MYO1F: variants seen among roughly 807,000 people sequenced by gnomAD.
MYO1F encodes myosin IF, also known as unconventional myosin-If.
Under a neutral mutation model 146.6 loss-of-function variants are expected in MYO1F, and 60 were observed. The observed-to-expected ratio is 0.41, with a 90% confidence interval of 0.33 to 0.51. MYO1F has a LOEUF of 0.51. Among genes scored for constraint, MYO1F ranks in the 20% least tolerant of loss-of-function variants. The pLI is 0.25. For missense variants in MYO1F, 1,274 were observed against 1,534.3 expected, an observed-to-expected ratio of 0.83 and a Z score of 2.83; for synonymous variants, 602 against 602.1, an observed-to-expected ratio of 1.00 and a Z score of 0.00.
intron 2 of MYO1F, chr19:8,555,332 T>TAC (rs1161053587): frequency 1.7e-4 from 46 of 277,272 alleles, no homozygotes; most frequent in African/African-American, 1.1e-3. Flanking sequence ...ATTGTGCCAC[T>TAC]ACACTCCAGC....
At chr19:8,533,821 G>C (rs1972593578) in intron 19 of MYO1F, among the ~76,000 whole-genome samples, 1 of 152,112 alleles carries the variant, frequency 6.6e-6, no homozygotes, top group Non-Finnish European at 1.5e-5. Flanking sequence ...AACATACCTG[G>C]GATGCTGGGC....
chr19:8,539,686 A>G (rs1441084451), intron 16 of MYO1F, among the ~76,000 whole-genome samples: 1 of 152,194 alleles, frequency 6.6e-6, no homozygotes, highest in Non-Finnish European at 1.5e-5. Flanking sequence ...ATGACTAAAG[A>G]CCAAACAAAA....
intron 24 of MYO1F, 22 bp downstream of exon 24, chr19:8,526,431 C>T (rs1191466210): frequency 1.3e-6 from 2 of 1,550,692 alleles, no homozygotes; most frequent in Non-Finnish European, 1.7e-6. Context: ...GCCCCCTCTG[C>T]CCTAGTTCCG....
chr19:8,561,710 T>A (rs1974139841), intron 1 of MYO1F, among the ~76,000 whole-genome samples: 1 of 151,082 alleles, frequency 6.6e-6, no homozygotes, highest in African/African-American at 2.4e-5. Flanking sequence ...TCCTCCTTTT[T>A]TTCTATCTTT....
intron 4 of MYO1F, among the ~76,000 whole-genome samples, chr19:8,553,894 A>ACACACACACTCTCTCTCTCTCTCT: frequency 1.4e-4 from 14 of 102,666 alleles, no homozygotes; most frequent in African/African-American, 5.4e-4. Context: ...ACACACACAC[A>ACACACACACTCTCTCTCTCTCTCT]CTCTCTCTCT....
At chr19:8,540,184 T>C (rs1972901254) in intron 15 of MYO1F, 156 bp from the exon 16 acceptor site, 1 of 602,534 alleles carries the variant, frequency 1.7e-6, no homozygotes, top group Non-Finnish European at 2.9e-6. Flanking sequence ...GGTTGGTTTT[T>C]TGGTTTGTTT....
intron 19 of MYO1F, among the ~76,000 whole-genome samples, chr19:8,536,037 A>T (rs1382528192): frequency 1.3e-4 from 20 of 151,318 alleles, no homozygotes; most frequent in Admixed American, 4.0e-4. Context: ...CTTTCAGTCT[A>T]TTAATCTCTC....
At chr19:8,552,989 A>G in intron 6 of MYO1F, 150 bp downstream of exon 6, 2 of 771,172 alleles carry the variant, frequency 2.6e-6, no homozygotes, top group Middle Eastern at 7.2e-4. Flanking sequence ...ATGAGCAGGA[A>G]GTGAGTCTCC....
intron 12 of MYO1F, 95 bp downstream of exon 12, chr19:8,547,941 G>T: frequency 8.1e-7 from 1 of 1,228,252 alleles, no homozygotes; most frequent in Non-Finnish European, 1.2e-6. Flanking sequence ...CGGTGGGGAG[G>T]GCTGGGGTGT....
chr19:8,564,271 C>T (rs901991025), intron 1 of MYO1F, among the ~76,000 whole-genome samples: 1 of 152,210 alleles, frequency 6.6e-6, no homozygotes, highest in Middle Eastern at 3.4e-3. Flanking sequence ...ATCCCAGCTA[C>T]TTGGGAGGCT....
intron 22 of MYO1F, among the ~76,000 whole-genome samples, 192 bp downstream of exon 22, chr19:8,527,146 T>G (rs1343794497): frequency 6.6e-6 from 1 of 151,750 alleles, no homozygotes; most frequent in Non-Finnish European, 1.5e-5. Flanking sequence ...GAGGGTAAGG[T>G]GCAGGACGGA....
rs766576251 is a variant in MYO1F at position 8,527,307 on chromosome 19, G to A, written c.2474+31C>T. 4.6e-5 allele frequency: 74 copies of A among 1,613,708 alleles called. 2 individuals are homozygous for A. In the East Asian group the frequency reaches 1.6e-3, roughly 35 times the overall value. On this transcript the variant is annotated intron_variant, in intron 22 of 27. Coordinates refer to ENST00000644032, the MANE Select transcript of MYO1F (RefSeq NM_012335.4). ...GGGCAGCCAGGGGACAGGTGAGAGT[G>A]ACTGTGCGGCAGGTAAGGACCTGGC...
chr19:8,572,903 C>T (rs1600067600), intron 1 of MYO1F, among the ~76,000 whole-genome samples: 1 of 152,280 alleles, frequency 6.6e-6, no homozygotes. Flanking sequence ...GCCATGTCTC[C>T]CAGGCTGGTC....
chr19:8,575,860 G>A (rs1394187992), intron 1 of MYO1F, among the ~76,000 whole-genome samples: 2 of 152,116 alleles, frequency 1.3e-5, no homozygotes, highest in Non-Finnish European at 2.9e-5. Flanking sequence ...CACTTCCTGT[G>A]TTCTTTTGAT....
intron 16 of MYO1F, among the ~76,000 whole-genome samples, chr19:8,539,649 T>G (rs779109686): frequency 3.3e-5 from 5 of 152,052 alleles, no homozygotes; most frequent in Non-Finnish European, 7.4e-5. Flanking sequence ...GTCATGTATA[T>G]TTTACCACAA....
chr19:8,533,463 T>G (rs34993471), intron 19 of MYO1F, among the ~76,000 whole-genome samples: 2,632 of 151,902 alleles, frequency 0.017, 31 homozygotes, highest in African/African-American at 0.037. Flanking sequence ...CACGCCATTC[T>G]CCTGCCTCAG....
At chr19:8,546,919 TC>T (rs1217164493) in intron 12 of MYO1F, among the ~76,000 whole-genome samples, 1 of 152,002 alleles carries the variant, frequency 6.6e-6, no homozygotes, top group Non-Finnish European at 1.5e-5. Flanking sequence ...CCTCAGGTGA[TC>T]CACCCACCTC....
intron 1 of MYO1F, among the ~76,000 whole-genome samples, chr19:8,561,424 TTTCTCCTCTCCCTCCCTTCC>T (rs1568368883): frequency 9.2e-5 from 11 of 119,314 alleles, no homozygotes; most frequent in African/African-American, 3.6e-4. Flanking sequence ...CCTCCCTTCC[TTTCTCCTCTCCCTCCCTTCC>T]TTCCTCCCTC....
chr19:8,542,604 CTTTT>C (rs61078650), intron 14 of MYO1F, among the ~76,000 whole-genome samples: 1 of 136,894 alleles, frequency 7.3e-6, no homozygotes. Flanking sequence ...TGTTTGTTTG[CTTTT>C]TTTTTTTTTT....
Sources: allele counts gnomAD v4.1 joint callset (sites outside exome capture counted in the v4.1 genomes callset), GRCh38; gene constraint gnomAD v4.1.1; transcripts MANE v1.5; gene names NCBI Gene and HGNC (gene_info 2026-07-23, HGNC 2026-07-21).